Variants in TNS1 observed in about 807,000 individuals in gnomAD.
TNS1 encodes the protein tensin-1.
Under a neutral mutation model 168.6 loss-of-function variants are expected in TNS1, and 62 were observed. The ratio of observed to expected loss-of-function variants is 0.37; its 90% CI spans 0.30 to 0.45. The LOEUF is 0.45. TNS1 is among the 20% of genes least tolerant of loss of function. The probability of loss-of-function intolerance (pLI) is 1.00; values close to 1 mark genes in which losing one functional copy is unlikely to be tolerated. For missense variants in TNS1, 2,240 were observed against 2,339.4 expected (o/e 0.96, Z 0.88); for synonymous variants, 934 against 933.2 (o/e 1.00, Z -0.02).
chr2:217,808,538 T>A, intron 31 of TNS1, 65 bp downstream of exon 31: 1 of 1,449,166 alleles, frequency 6.9e-7, no homozygotes, highest in East Asian at 2.3e-5. Context: ...TGCACATGCA[T>A]GCACCCACAC....
At chr2:218,015,733 A>T (rs1958752026) in intron 1 of TNS1, among the ~76,000 whole-genome samples, 1 of 151,996 alleles carries the variant, frequency 6.6e-6, no homozygotes, top group Non-Finnish European at 1.5e-5. Flanking sequence ...AGCAGCTGAC[A>T]TGATAAACGG....
chr2:217,994,092 C>T (rs1481105896), intron 1 of TNS1, among the ~76,000 whole-genome samples: 3 of 152,006 alleles, frequency 2.0e-5, no homozygotes, highest in Non-Finnish European at 2.9e-5. Context: ...CCAGCCACCT[C>T]CTGGGTTCTG....
rs796329726 is a variant in TNS1 at position 217,850,668 on chromosome 2, G to A, written c.1430-1581C>T. 8 of 955,394 alleles carry A rather than the reference G, an allele frequency of 8.4e-6. No individual in the cohort carries two copies. The African/African-American group carries it at 1.4e-4, about 17-fold the overall frequency. 59.2% of individuals were successfully genotyped at this position (955,394 alleles called of 1,614,324 possible). A position where few individuals can be genotyped will look rare whatever the true frequency, so the allele number is the denominator to read the frequency against. On this transcript the variant is annotated intron_variant, in intron 18 of 32. Transcript: ENST00000682258. ...TTACTCTAATCCAGGCTCTCCGTTA[G>A]CAAGGAAAAAAGCCAGCTCCCAAAG...
At chr2:217,829,308 C>T (rs1223614522) in intron 22 of TNS1, among the ~76,000 whole-genome samples, 1 of 152,078 alleles carries the variant, frequency 6.6e-6, no homozygotes, top group Non-Finnish European at 1.5e-5. Context: ...TTGCTTGAAC[C>T]TGGGAGGCAG....
chr2:217,898,582 T>C lies in TNS1; in HGVS notation c.372-613A>G, dbSNP rs142676404. 1.1e-3 allele frequency among the ~76,000 whole-genome samples: 168 copies of C among 152,274 alleles called. 2 individuals are homozygous for C. In the East Asian group the frequency reaches 0.031, roughly 28 times the overall value. On this transcript the variant is annotated intron_variant, in intron 7 of 32. Coordinates refer to ENST00000682258, the MANE Select transcript of TNS1 (RefSeq NM_001387777.1). ...CCAGCCCTCCCGGAGGCAGGCCAAC[T>C]CCTGCCCTTTGTTCCTTGGCCTTCT...
chr2:217,923,176 G>T (rs1286386904), intron 3 of TNS1, among the ~76,000 whole-genome samples: 1 of 152,152 alleles, frequency 6.6e-6, no homozygotes, highest in Non-Finnish European at 1.5e-5. Flanking sequence ...CTTGGTGCCA[G>T]CGCTGTCATA....
chr2:217,861,828 G>A (rs550120068), intron 18 of TNS1, among the ~76,000 whole-genome samples: 32 of 152,282 alleles, frequency 2.1e-4, no homozygotes, highest in African/African-American at 5.1e-4. Context: ...GGGCTTCCCC[G>A]TCTCCCTTCC....
intron 19 of TNS1, among the ~76,000 whole-genome samples, chr2:217,843,087 T>C (rs1434992533): frequency 6.6e-6 from 1 of 151,694 alleles, no homozygotes; most frequent in Non-Finnish European, 1.5e-5. Flanking sequence ...TTGAATCGAA[T>C]GATTGAATGA....
chr2:217,854,836 G>C (rs1255613117), intron 18 of TNS1, among the ~76,000 whole-genome samples: 1 of 152,200 alleles, frequency 6.6e-6, no homozygotes, highest in Non-Finnish European at 1.5e-5. Context: ...GATGGCTCTG[G>C]AGAGGAGACA....
At chr2:217,888,409 T>C (rs1392440593) in intron 12 of TNS1, among the ~76,000 whole-genome samples, 2 of 151,994 alleles carry the variant, frequency 1.3e-5, no homozygotes, top group African/African-American at 4.8e-5. Context: ...CTCAGAGAGG[T>C]GACCCATCCA....
intron 1 of TNS1, among the ~76,000 whole-genome samples, chr2:218,026,280 G>A (rs567336881): frequency 1.4e-4 from 21 of 152,248 alleles, no homozygotes; most frequent in Admixed American, 5.9e-4. Flanking sequence ...CTCGAAGGCC[G>A]CTTGTACACC....
At chr2:217,860,892 C>T (rs1559256711) in intron 18 of TNS1, among the ~76,000 whole-genome samples, 1 of 152,146 alleles carries the variant, frequency 6.6e-6, no homozygotes. Context: ...AGTGGCAACC[C>T]CATCTGATGG....
At chr2:217,980,019 G>A (rs1958001408) in intron 2 of TNS1, among the ~76,000 whole-genome samples, 1 of 152,140 alleles carries the variant, frequency 6.6e-6, no homozygotes, top group South Asian at 2.1e-4. Flanking sequence ...CCCACACTAA[G>A]GCTTCTTCTG....
At chr2:217,884,426 T>C (rs990931684) in intron 16 of TNS1, among the ~76,000 whole-genome samples, 1 of 152,084 alleles carries the variant, frequency 6.6e-6, no homozygotes, top group Non-Finnish European at 1.5e-5. Context: ...TAATGTGATA[T>C]AGATAAAACT....
intron 22 of TNS1, among the ~76,000 whole-genome samples, chr2:217,825,212 T>C (rs1057446090): frequency 1.3e-5 from 2 of 152,228 alleles, no homozygotes; most frequent in Admixed American, 6.5e-5. Context: ...CCCCTTAGTC[T>C]CTGGCTCAGG....
intron 2 of TNS1, among the ~76,000 whole-genome samples, chr2:217,988,568 C>A (rs116210223): frequency 1.3e-5 from 2 of 152,164 alleles, no homozygotes; most frequent in Non-Finnish European, 2.9e-5. Flanking sequence ...TATGCATCTT[C>A]GCAGGGCAGG....
chr2:217,875,710 A>T (rs1361226728), intron 18 of TNS1, among the ~76,000 whole-genome samples: 1 of 152,144 alleles, frequency 6.6e-6, no homozygotes. Context: ...AGCTCATAAG[A>T]AGTCATCACA....
chr2:218,031,028 G>A (rs1958888299), intron 1 of TNS1, among the ~76,000 whole-genome samples: 1 of 151,692 alleles, frequency 6.6e-6, no homozygotes, highest in Admixed American at 6.6e-5. Flanking sequence ...GTGTGTATGT[G>A]TGTGTATGTG....
At chr2:217,841,296 C>T (rs1035548284) in intron 19 of TNS1, 1 of 984,444 alleles carries the variant, frequency 1.0e-6, no homozygotes, top group African/African-American at 1.8e-5. Context: ...CTGCCCACCC[C>T]CCACCCCAGG....
Sources: gnomAD v4.1 joint callset for allele counts (sites outside exome capture counted in the v4.1 genomes callset) on GRCh38, gnomAD v4.1.1 for gene constraint, MANE v1.5 for transcripts, NCBI Gene and HGNC (gene_info 2026-07-23, HGNC 2026-07-21) for gene names.